The following SLC12A1 variants were observed in gnomAD, a reference collection of about 807,000 sequenced individuals.
SLC12A1 encodes the protein Na-K-2Cl cotransporter.
In SLC12A1, 89 loss-of-function variants were observed where a neutral mutation model predicts 130.4. That is an observed-to-expected ratio of 0.68 (90% CI 0.58 to 0.81). SLC12A1 has a LOEUF of 0.81. Among genes scored for constraint, SLC12A1 ranks in the 40% least tolerant of loss-of-function variants. SLC12A1 has a pLI of 0.00. For synonymous variants in SLC12A1, 499 were observed against 460.0 expected, an observed-to-expected ratio of 1.08 and a Z score of -1.09; for missense variants, 1,310 against 1,336.4, an observed-to-expected ratio of 0.98 and a Z score of 0.31.
chr15:48,292,984 C>T (rs1244706441), intron 24 of SLC12A1, among the ~76,000 whole-genome samples: 1 of 152,098 alleles, frequency 6.6e-6, no homozygotes, highest in African/African-American at 2.4e-5. Flanking sequence ...AGTGCAATCT[C>T]AGCTCACAAC....
At chr15:48,247,961 G>C (rs1418308359) in intron 13 of SLC12A1, among the ~76,000 whole-genome samples, 2 of 152,200 alleles carry the variant, frequency 1.3e-5, no homozygotes, top group African/African-American at 4.8e-5. Context: ...GAGATTCGTA[G>C]ACCACTGGCA....
At chr15:48,226,148 A>T in intron 4 of SLC12A1, 1 of 233,922 alleles carries the variant, frequency 4.3e-6, no homozygotes, top group Non-Finnish European at 8.1e-6. Flanking sequence ...CAGTTCCTTC[A>T]AGCAAGAAAG....
intron 20 of SLC12A1, among the ~76,000 whole-genome samples, chr15:48,281,832 C>A (rs187989854): frequency 2.0e-5 from 3 of 152,256 alleles, no homozygotes; most frequent in Admixed American, 1.3e-4. Flanking sequence ...TATATCCATT[C>A]GTTCATACTC....
At chr15:48,286,451 T>G (rs1045952564) in intron 21 of SLC12A1, among the ~76,000 whole-genome samples, 1 of 152,216 alleles carries the variant, frequency 6.6e-6, no homozygotes, top group Non-Finnish European at 1.5e-5. Context: ...CTTCTTTTCT[T>G]TCTAATTATT....
At chr15:48,288,197 C>G in intron 22 of SLC12A1, 23 bp downstream of exon 22, 2 of 1,599,558 alleles carry the variant, frequency 1.3e-6, no homozygotes, top group Admixed American at 1.7e-5. Flanking sequence ...AGAAAATACA[C>G]TAGGGACAAG....
intron 9 of SLC12A1, chr15:48,235,355 A>AAT: frequency 6.7e-6 from 2 of 297,110 alleles, no homozygotes; most frequent in Non-Finnish European, 6.5e-6. Context: ...TAAAAAAAAA[A>AAT]CAAAACAAAA....
intron 8 of SLC12A1, 129 bp downstream of exon 8, chr15:48,232,967 A>G: frequency 1.5e-6 from 1 of 648,604 alleles, no homozygotes; most frequent in East Asian, 2.6e-5. Context: ...TGGATGCGGA[A>G]GCCCAAAAGA....
intron 17 of SLC12A1, among the ~76,000 whole-genome samples, 161 bp from the exon 18 acceptor site, chr15:48,267,399 CA>C (rs1304833511): frequency 1.3e-5 from 2 of 152,130 alleles, no homozygotes; most frequent in Non-Finnish European, 2.9e-5. Flanking sequence ...AGGTCATCTC[CA>C]AAAGGCTGAA....
At chr15:48,258,602 G>T (rs1415210953) in intron 16 of SLC12A1, among the ~76,000 whole-genome samples, 1 of 152,020 alleles carries the variant, frequency 6.6e-6, no homozygotes, top group Admixed American at 6.6e-5. Flanking sequence ...CTTCTTCTGG[G>T]CCCTCCAAAC....
At chr15:48,277,123 G>C (rs1008099015) in intron 20 of SLC12A1, among the ~76,000 whole-genome samples, 1 of 152,068 alleles carries the variant, frequency 6.6e-6, no homozygotes, top group African/African-American at 2.4e-5. Flanking sequence ...GATTGAGCAG[G>C]CTTACTGTGG....
At chr15:48,281,501 G>A (rs1383105853) in intron 20 of SLC12A1, among the ~76,000 whole-genome samples, 2 of 152,208 alleles carry the variant, frequency 1.3e-5, no homozygotes, top group African/African-American at 4.8e-5. Context: ...CAGACTGGGT[G>A]TTCCTTCAAC....
chr15:48,226,442 A>AAATGCAATATCTTC (rs2041287187), intron 4 of SLC12A1, 34 bp from the exon 5 acceptor site: 11 of 1,323,586 alleles, frequency 8.3e-6, no homozygotes, highest in Non-Finnish European at 1.2e-5. Flanking sequence ...AAGAAAAGTA[A>AAATGCAATATCTTC]AATGCAATAT....
At chr15:48,254,010 A>G (rs1321292037) in intron 15 of SLC12A1, among the ~76,000 whole-genome samples, 1 of 152,164 alleles carries the variant, frequency 6.6e-6, no homozygotes, top group Non-Finnish European at 1.5e-5. Flanking sequence ...ATTATTCAGT[A>G]ATGAGAGTTC....
chr15:48,294,805 T>C (rs1483538688), intron 24 of SLC12A1, among the ~76,000 whole-genome samples: 2 of 152,002 alleles, frequency 1.3e-5, no homozygotes, highest in African/African-American at 4.9e-5. Flanking sequence ...TTTTCTGTTG[T>C]CTAGTGGGTA....
chr15:48,219,796 T>C (rs1469961380), intron 2 of SLC12A1, among the ~76,000 whole-genome samples: 1 of 152,094 alleles, frequency 6.6e-6, no homozygotes, highest in Admixed American at 6.5e-5. Flanking sequence ...CTCACACCTC[T>C]AATCCTAGCA....
intron 7 of SLC12A1, among the ~76,000 whole-genome samples, chr15:48,231,548 T>C (rs572142321): frequency 2.6e-5 from 4 of 152,286 alleles, no homozygotes; most frequent in African/African-American, 9.6e-5. Context: ...CTGCAGCCTT[T>C]AGTAAATTAT....
chr15:48,212,864 T>A (rs1214225403), intron 2 of SLC12A1, among the ~76,000 whole-genome samples: 2 of 152,202 alleles, frequency 1.3e-5, no homozygotes, highest in Non-Finnish European at 2.9e-5. Context: ...CATTATGCTG[T>A]TAACAACTAC....
At chr15:48,228,001 T>C (rs929655899) in intron 5 of SLC12A1, 2 of 152,196 alleles carry the variant, frequency 1.3e-5, no homozygotes, top group African/African-American at 4.8e-5. Flanking sequence ...CTTTGACCCC[T>C]GAGCCCAAAA....
chr15:48,217,026 T>C (rs1379314904), intron 2 of SLC12A1, among the ~76,000 whole-genome samples: 6 of 152,114 alleles, frequency 3.9e-5, no homozygotes, highest in Non-Finnish European at 7.4e-5. Context: ...CAGTGGAAAA[T>C]ACACACTGAA....
Sources: gnomAD v4.1 joint callset for allele counts (sites outside exome capture counted in the v4.1 genomes callset) on GRCh38, gnomAD v4.1.1 for gene constraint, MANE v1.5 for transcripts, NCBI Gene and HGNC (gene_info 2026-07-23, HGNC 2026-07-21) for gene names.